XPO5: variants seen among roughly 807,000 people sequenced by gnomAD.
XPO5 encodes the protein exportin-5.
XPO5 carries 46 observed loss-of-function variants against 160.6 expected under a neutral mutation model. That is an observed-to-expected ratio of 0.29 (90% confidence interval 0.23 to 0.37). The LOEUF is 0.37. Ranked by LOEUF, XPO5 falls within the 10% of genes least tolerant of loss-of-function variation. The probability of loss-of-function intolerance (pLI) is 1.00; values close to 1 mark genes in which losing one functional copy is unlikely to be tolerated. For missense variants in XPO5, 1,090 were observed against 1,463.9 expected, an observed-to-expected ratio of 0.74 and a Z score of 4.17; for synonymous variants, 537 against 519.3, an observed-to-expected ratio of 1.03 and a Z score of -0.46.
Position 43,525,857 on chromosome 6 carries a change from T to C in XPO5, c.3048A>G (p.Lys1016=). Residue 1016 remains lysine, a synonymous_variant, in exon 28 of 32, where the codon AAA becomes AAG. Coordinates refer to ENST00000265351, the MANE Select transcript of XPO5 (RefSeq NM_020750.3). ...SAMAELTDLG[K]CLMKHEDVCT... ...TACCCACCTCATGCTTCATCAGACA[T>C]TTGCCCAGGTCTGTAAGCTCTGCCA... The C allele has an allele frequency of 1.2e-6, 2 of 1,613,988 alleles. No homozygotes were observed. Among genetic ancestry groups the C allele is most frequent in the Non-Finnish European group, 1.7e-6 (2 of 1,179,876 alleles).
intron 27 of XPO5, 31 bp downstream of exon 27, chr6:43,526,651 GAGC>G: frequency 6.2e-7 from 1 of 1,612,226 alleles, no homozygotes. Context: ...AGGAGGCTAA[GAGC>G]AGAACTCCAA....
intron 7 of XPO5, chr6:43,566,677 G>A: frequency 2.4e-6 from 1 of 418,242 alleles, no homozygotes; most frequent in Non-Finnish European, 4.9e-6. Context: ...GGGCATGGTG[G>A]CGTGTGCCTA....
chr6:43,570,003 CTTTTTT>C (rs35322286), intron 5 of XPO5, among the ~76,000 whole-genome samples: 4 of 85,382 alleles, frequency 4.7e-5, no homozygotes, highest in African/African-American at 1.4e-4. Flanking sequence ...AGATCCCTAT[CTTTTTT>C]TTTTTTTTTT....
At position 43,533,985 on chromosome 6, in the gene XPO5, G is replaced by A; in HGVS notation, c.2365C>T (p.Pro789Ser). 1.2e-6 allele frequency: 2 copies of A among 1,604,262 alleles called. No homozygotes were observed. The highest frequency in any genetic ancestry group is 1.7e-5 in the Admixed American group (1 of 59,706). The change falls in exon 21 of 32, where the codon CCA (proline) becomes TCA (serine). Residue 789 changes from proline to serine, a missense_variant. Physicochemically the swap from Pro to Ser is moderately conservative, Grantham distance 74 (BLOSUM62 -1). Transcript: ENST00000265351. ...TCTGCCATTTTGGCTAGCATTTCTG[G>A]TGCATATAATGTATTGTGGGTTCTG... ...LIRTHNTLYAPEMLAKMAEPF... is the reference protein window; with the variant it reads ...LIRTHNTLYASEMLAKMAEPF...
chr6:43,538,949 G>T (rs562100872), intron 20 of XPO5: 10 of 1,344,432 alleles, frequency 7.4e-6, no homozygotes, highest in South Asian at 2.3e-5. Flanking sequence ...GAGGTCGGGG[G>T]TCAGGTAGCT....
At position 43,575,800 on chromosome 6, in the gene XPO5, T is replaced by C. The variant is rs1421911120; in HGVS notation, c.65A>G (p.Asp22Gly). The change falls in exon 1 of 32, where the codon GAC (aspartate) becomes GGC (glycine). Residue 22 changes from aspartate (D) to glycine (G), a missense_variant. Physicochemically the swap from Asp to Gly is moderately conservative, Grantham distance 94. Coordinates refer to ENST00000265351, the MANE Select transcript of XPO5 (RefSeq NM_020750.3). The part of the protein sequence containing the change: ...QLVKAVTVMM[D>G]PNSTQRYRLE... ...CCGGTAGCGCTGGGTGGAGTTGGGG[T>C]CCATCATGACCGTCACCGCTTTCAC... 6.2e-7 allele frequency: 1 copy of C among 1,613,518 alleles called. No homozygotes were observed. The highest frequency in any genetic ancestry group is 8.5e-7 in the Non-Finnish European group (1 of 1,179,694).
chr6:43,527,350 C>T (rs1478884448), intron 26 of XPO5: 2 of 274,618 alleles, frequency 7.3e-6, no homozygotes, highest in East Asian at 8.9e-5. Context: ...CGGCTCACTG[C>T]AGCCTCCGCC....
intron 15 of XPO5, 30 bp from the exon 16 acceptor site, chr6:43,549,964 A>G: frequency 6.2e-7 from 1 of 1,608,042 alleles, no homozygotes; most frequent in Non-Finnish European, 8.5e-7. Context: ...AAGGTCACTC[A>G]TGTTTATTTG....
intron 5 of XPO5, 66 bp from the exon 6 acceptor site, chr6:43,568,803 C>T: frequency 7.3e-7 from 1 of 1,377,996 alleles, no homozygotes; most frequent in Non-Finnish European, 9.8e-7. Context: ...CTTTCTACCC[C>T]CCACAAATCA....
At position 43,546,712 on chromosome 6, in the gene XPO5, C is replaced by T. The variant is rs748684361; in HGVS notation, c.2201G>A (p.Arg734Gln). The T allele has an allele frequency of 3.1e-6, 5 of 1,611,626 alleles. No individual in the cohort carries two copies. The highest frequency in any genetic ancestry group is 4.2e-6 in the Non-Finnish European group (5 of 1,179,036). ...TTCTAGGTCAGTGGGCCAGCAAGTTCGTTTCACCACACCCAGAATGCTGTA... is the reference window on the plus strand; with the variant it reads ...TTCTAGGTCAGTGGGCCAGCAAGTTTGTTTCACCACACCCAGAATGCTGTA... ...CVYSILGVVK[R>Q]TCWPTDLEEA... The change falls in exon 20 of 32, where the codon CGA becomes CAA. Residue 734 changes from arginine (R) to glutamine (Q), a missense_variant. Arg to Gln is a conservative substitution (Grantham distance 43). Coordinates refer to ENST00000265351, the MANE Select transcript of XPO5 (RefSeq NM_020750.3).
chr6:43,530,884 C>A, intron 22 of XPO5, 60 bp from the exon 23 acceptor site: 1 of 1,539,876 alleles, frequency 6.5e-7, no homozygotes, highest in Non-Finnish European at 8.7e-7. Flanking sequence ...TACTGCCAGC[C>A]CTGTCCCATG....
intron 1 of XPO5, among the ~76,000 whole-genome samples, chr6:43,575,288 G>C (rs1442904211): frequency 2.6e-5 from 4 of 152,180 alleles, no homozygotes; most frequent in African/African-American, 9.7e-5. Context: ...AAGCATAAGG[G>C]TACCAGAGGG....
Position 43,553,440 on chromosome 6 carries a change from T to C in XPO5, c.1505A>G (p.Gln502Arg), listed in dbSNP as rs370740144. ...CAAAAAAAGAGTCATGGCTTCCCAC[T>C]GCACGAATGAAGGTGAGAAGACGGA... is the stretch of plus-strand genomic sequence containing the variant. ...LCSVFSPSFV[Q>R]WEAMTLFLES... The change falls in exon 14 of 32, where the codon CAG becomes CGG. Residue 502 changes from glutamine to arginine, a missense_variant. Physicochemically the swap from Gln to Arg is conservative, Grantham distance 43 (BLOSUM62 1). Transcript: ENST00000265351. The C allele has an allele frequency of 1.9e-6, 3 of 1,597,666 alleles. No homozygotes were observed. In the African/African-American group the frequency reaches 4.0e-5, roughly 21 times the overall value.
At chr6:43,530,558 ATACACT>A in intron 23 of XPO5, 124 bp downstream of exon 23, 1 of 1,088,626 alleles carries the variant, frequency 9.2e-7, no homozygotes, top group Non-Finnish European at 1.3e-6. Context: ...TAATGACATG[ATACACT>A]TAGATACATA....
chr6:43,534,055 G>A, intron 20 of XPO5, 48 bp from the exon 21 acceptor site: 1 of 1,454,528 alleles, frequency 6.9e-7, no homozygotes, highest in African/African-American at 1.4e-5. Flanking sequence ...GATGCAGAAG[G>A]AAAGAGTGGG....
At chr6:43,547,554 C>A in intron 19 of XPO5, 54 bp downstream of exon 19, 3 of 1,538,898 alleles carry the variant, frequency 1.9e-6, no homozygotes, top group South Asian at 1.1e-5. Flanking sequence ...CAAAAGACAA[C>A]ACCCTACTCC....
At chr6:43,539,167 G>A (rs1196183579) in intron 20 of XPO5, 13 of 1,099,422 alleles carry the variant, frequency 1.2e-5, no homozygotes, top group Non-Finnish European at 1.6e-5. Flanking sequence ...TGCAGGGGAC[G>A]GTGTGGGGCT....
At chr6:43,526,530 T>C in intron 27 of XPO5, 155 bp downstream of exon 27, 1 of 769,990 alleles carries the variant, frequency 1.3e-6, no homozygotes, top group Non-Finnish European at 2.2e-6. Flanking sequence ...GGTGGGAGTA[T>C]GATGGAGGCA....
chr6:43,566,600 G>C, intron 7 of XPO5: 1 of 411,172 alleles, frequency 2.4e-6, no homozygotes, highest in Non-Finnish European at 5.0e-6. Flanking sequence ...CTTGAGCTCA[G>C]GAGTTCGAGA....
Sources: gnomAD v4.1 joint callset for allele counts (sites outside exome capture counted in the v4.1 genomes callset) on GRCh38, gnomAD v4.1.1 for gene constraint, MANE v1.5 for transcripts, NCBI Gene and HGNC (gene_info 2026-07-23, HGNC 2026-07-21) for gene names.